Variants in CRPPA observed in about 807,000 individuals in gnomAD.
CRPPA encodes the protein D-ribitol-5-phosphate cytidylyltransferase.
CRPPA carries 43 observed loss-of-function variants against 52.0 expected under a neutral mutation model. The ratio of observed to expected loss-of-function variants is 0.83; its 90% CI spans 0.65 to 1.07. The LOEUF (loss-of-function observed/expected upper bound fraction) is 1.07. CRPPA is among the 50% of genes least tolerant of loss of function. The pLI, the probability that CRPPA is intolerant of heterozygous loss-of-function variation, is 0.00. For missense variants in CRPPA, 629 were observed against 551.7 expected (o/e 1.14, Z -1.40); for synonymous variants, 250 against 203.5 (o/e 1.23, Z -1.94).
chr7:16,298,457 C>A (rs1002551056), intron 5 of CRPPA, among the ~76,000 whole-genome samples: 3 of 152,240 alleles, frequency 2.0e-5, no homozygotes, highest in South Asian at 2.1e-4. Flanking sequence ...TATATGGAAA[C>A]AATAACACTA....
At chr7:16,180,809 A>G (rs1781396846) in intron 9 of CRPPA, among the ~76,000 whole-genome samples, 1 of 152,062 alleles carries the variant, frequency 6.6e-6, no homozygotes, top group South Asian at 2.1e-4. Context: ...TATGTTATCT[A>G]ATGAAAGTCA....
At chr7:16,210,774 T>C (rs1782112549) in intron 9 of CRPPA, among the ~76,000 whole-genome samples, 1 of 152,084 alleles carries the variant, frequency 6.6e-6, no homozygotes, top group African/African-American at 2.4e-5. Context: ...AAAATTTCCA[T>C]GGCAGTACCC....
intron 8 of CRPPA, among the ~76,000 whole-genome samples, chr7:16,232,970 A>C (rs1273992873): frequency 6.6e-6 from 1 of 152,186 alleles, no homozygotes; most frequent in Non-Finnish European, 1.5e-5. Flanking sequence ...ACTATAGGAA[A>C]GACTGAACAT....
chr7:16,359,436 C>T (rs1786386472), intron 3 of CRPPA, among the ~76,000 whole-genome samples: 1 of 152,164 alleles, frequency 6.6e-6, no homozygotes, highest in Admixed American at 6.5e-5. Flanking sequence ...CAGAGCATTG[C>T]CTGGATACTG....
At chr7:16,179,884 T>C (rs1156649591) in intron 9 of CRPPA, among the ~76,000 whole-genome samples, 2 of 152,120 alleles carry the variant, frequency 1.3e-5, no homozygotes, top group Non-Finnish European at 2.9e-5. Context: ...TTCCAAAGAA[T>C]GACCAGCAAT....
intron 8 of CRPPA, among the ~76,000 whole-genome samples, chr7:16,243,726 G>T (rs1241741030): frequency 1.3e-5 from 2 of 152,156 alleles, no homozygotes; most frequent in Non-Finnish European, 2.9e-5. Context: ...AACACTTTGG[G>T]AGGCCAAGGT....
At chr7:16,150,379 C>T (rs1260642367) in intron 9 of CRPPA, among the ~76,000 whole-genome samples, 2 of 151,986 alleles carry the variant, frequency 1.3e-5, no homozygotes, top group Non-Finnish European at 2.9e-5. Context: ...TCAACATTAA[C>T]CGAACAGCTA....
chr7:16,327,237 A>C (rs958455637), intron 3 of CRPPA, among the ~76,000 whole-genome samples: 5 of 152,180 alleles, frequency 3.3e-5, no homozygotes, highest in African/African-American at 1.2e-4. Flanking sequence ...CCTTAAAAAA[A>C]GCTAAGGAAC....
intron 9 of CRPPA, among the ~76,000 whole-genome samples, chr7:16,162,654 T>C (rs751025763): frequency 2.9e-4 from 44 of 152,204 alleles, no homozygotes; most frequent in Non-Finnish European, 5.9e-4. Context: ...GTATATTCTG[T>C]TGACTTGGGG....
At chr7:16,305,585 G>C (rs867845836) in intron 4 of CRPPA, among the ~76,000 whole-genome samples, 1 of 152,112 alleles carries the variant, frequency 6.6e-6, no homozygotes, top group Admixed American at 6.5e-5. Context: ...AATTTGGCTG[G>C]GCGTGGTGGT....
intron 9 of CRPPA, among the ~76,000 whole-genome samples, chr7:16,173,790 C>A (rs1444956239): frequency 1.3e-5 from 2 of 152,102 alleles, no homozygotes; most frequent in Non-Finnish European, 2.9e-5. Context: ...TTGAGATATA[C>A]CACGCCACTG....
At chr7:16,256,213 A>G (rs1347093471) in intron 8 of CRPPA, among the ~76,000 whole-genome samples, 1 of 152,060 alleles carries the variant, frequency 6.6e-6, no homozygotes, top group Non-Finnish European at 1.5e-5. Flanking sequence ...CTGGAAATGC[A>G]TATCAAAACC....
intron 9 of CRPPA, among the ~76,000 whole-genome samples, chr7:16,170,173 C>T (rs1407142464): frequency 6.6e-6 from 1 of 152,064 alleles, no homozygotes; most frequent in African/African-American, 2.4e-5. Flanking sequence ...GTCATAGCTC[C>T]TTAACAGTGT....
intron 3 of CRPPA, among the ~76,000 whole-genome samples, chr7:16,318,901 A>G (rs1785200692): frequency 1.3e-5 from 2 of 152,200 alleles, no homozygotes; most frequent in Admixed American, 1.3e-4. Flanking sequence ...ATTGAGACTA[A>G]TAATTTACCT....
At chr7:16,219,296 T>G (rs2128399624) in intron 8 of CRPPA, among the ~76,000 whole-genome samples, 1 of 148,646 alleles carries the variant, frequency 6.7e-6, no homozygotes, top group South Asian at 2.2e-4. Context: ...CAAAGCAGTG[T>G]GTAGAGGGAA....
chr7:16,217,139 C>A (rs1320382199), intron 8 of CRPPA, among the ~76,000 whole-genome samples: 235 of 147,180 alleles, frequency 1.6e-3, no homozygotes, highest in African/African-American at 3.7e-3. Flanking sequence ...GACCCCTGAC[C>A]CCCGAGCAGC....
chr7:16,319,616 CTGCCCAAAGAAAA>C (rs1287141620), intron 3 of CRPPA, among the ~76,000 whole-genome samples: 2 of 152,148 alleles, frequency 1.3e-5, no homozygotes, highest in African/African-American at 4.8e-5. Context: ...ACTGGACAGA[CTGCCCAAAGAAAA>C]TTCTTCTAGT....
chr7:16,249,813 T>C (rs909712494), intron 8 of CRPPA, among the ~76,000 whole-genome samples: 1 of 152,102 alleles, frequency 6.6e-6, no homozygotes, highest in Non-Finnish European at 1.5e-5. Flanking sequence ...AAAACCAGAA[T>C]GCCTCTTCTC....
chr7:16,361,468 C>T (rs1786440312), intron 3 of CRPPA, among the ~76,000 whole-genome samples: 1 of 152,144 alleles, frequency 6.6e-6, no homozygotes, highest in South Asian at 2.1e-4. Context: ...CAAGTGTGTC[C>T]ATTAACAGAT....
Sources: allele counts gnomAD v4.1 joint callset (sites outside exome capture counted in the v4.1 genomes callset), GRCh38; gene constraint gnomAD v4.1.1; transcripts MANE v1.5; gene names NCBI Gene and HGNC (gene_info 2026-07-23, HGNC 2026-07-21).